Variants in MCF2L2 observed in about 807,000 individuals in gnomAD.
The protein encoded by MCF2L2 is probable guanine nucleotide exchange factor MCF2L2.
MCF2L2 carries 102 observed loss-of-function variants against 150.2 expected under a neutral mutation model. That is an observed-to-expected ratio of 0.68 (90% CI 0.58 to 0.80). MCF2L2 has a LOEUF of 0.80. Among genes scored for constraint, MCF2L2 ranks in the 30% least tolerant of loss-of-function variants. MCF2L2 has a pLI of 0.00. For missense variants in MCF2L2, 1,256 were observed against 1,372.8 expected (o/e 0.91, Z 1.34); for synonymous variants, 465 against 491.3 (o/e 0.95, Z 0.71).
chr3:183,411,968 C>T (rs927306649), intron 1 of MCF2L2, among the ~76,000 whole-genome samples: 1 of 152,080 alleles, frequency 6.6e-6, no homozygotes, highest in African/African-American at 2.4e-5. Context: ...AAGCTGTGTA[C>T]GTGAATTACG....
At chr3:183,425,500 A>C (rs1240543484) in intron 1 of MCF2L2, among the ~76,000 whole-genome samples, 1 of 152,188 alleles carries the variant, frequency 6.6e-6, no homozygotes, top group Non-Finnish European at 1.5e-5. Flanking sequence ...TGAAAAGAAC[A>C]GGCAAGCATA....
chr3:183,365,417 A>AATTTGGCCC (rs1455719519), intron 3 of MCF2L2, among the ~76,000 whole-genome samples: 3 of 152,230 alleles, frequency 2.0e-5, no homozygotes, highest in Non-Finnish European at 4.4e-5. Flanking sequence ...AGAAGTGATT[A>AATTTGGCCC]ATTTCACTAG....
chr3:183,180,313 A>G, intron 27 of MCF2L2, 154 bp from the exon 28 acceptor site: 1 of 597,550 alleles, frequency 1.7e-6, no homozygotes, highest in Non-Finnish European at 3.0e-6. Flanking sequence ...CTGGGCTGTG[A>G]GGGGGTCTGT....
chr3:183,396,054 C>T (rs1358599015), intron 1 of MCF2L2, among the ~76,000 whole-genome samples: 1 of 151,694 alleles, frequency 6.6e-6, no homozygotes, highest in Non-Finnish European at 1.5e-5. Context: ...CTCACACCCT[C>T]CCCCCATGAA....
At chr3:183,363,068 G>C (rs1560041269) in intron 3 of MCF2L2, among the ~76,000 whole-genome samples, 1 of 146,786 alleles carries the variant, frequency 6.8e-6, no homozygotes. Context: ...TATGTCATTG[G>C]GGAATTGCAA....
chr3:183,398,478 G>C (rs142036003), intron 1 of MCF2L2, among the ~76,000 whole-genome samples: 2 of 151,662 alleles, frequency 1.3e-5, no homozygotes, highest in Non-Finnish European at 2.9e-5. Flanking sequence ...AGCAGCTGGC[G>C]CTACTCTAAC....
At chr3:183,277,078 A>C (rs1727200698) in intron 14 of MCF2L2, 121 bp from the exon 15 acceptor site, 1 of 639,526 alleles carries the variant, frequency 1.6e-6, no homozygotes, top group African/African-American at 1.9e-5. Context: ...CAAAATATCC[A>C]GTTTCTCATG....
chr3:183,233,732 T>A (rs973309455), intron 15 of MCF2L2, among the ~76,000 whole-genome samples: 1 of 152,200 alleles, frequency 6.6e-6, no homozygotes, highest in Admixed American at 6.5e-5. Flanking sequence ...TCTTACTCTA[T>A]ACCCTTCTAC....
intron 5 of MCF2L2, among the ~76,000 whole-genome samples, chr3:183,337,241 G>T (rs1730519263): frequency 6.6e-6 from 1 of 152,008 alleles, no homozygotes; most frequent in African/African-American, 2.4e-5. Context: ...TTCTGGTTGG[G>T]TCATAGGTTA....
chr3:183,319,315 T>C (rs893353392), intron 6 of MCF2L2, among the ~76,000 whole-genome samples: 2 of 152,240 alleles, frequency 1.3e-5, no homozygotes, highest in Non-Finnish European at 2.9e-5. Flanking sequence ...GCTCCACTTC[T>C]AGTTCTCTTG....
chr3:183,409,554 T>C (rs879629557), intron 1 of MCF2L2, among the ~76,000 whole-genome samples: 1,361 of 134,218 alleles, frequency 0.01, 31 homozygotes, highest in African/African-American at 0.041. Flanking sequence ...AAAATTTCTT[T>C]TTTTTTTTTT....
chr3:183,234,911 T>C (rs1723750142), intron 15 of MCF2L2, among the ~76,000 whole-genome samples: 5 of 108,046 alleles, frequency 4.6e-5, no homozygotes, highest in South Asian at 7.2e-4. Context: ...TGTGATCTCA[T>C]TGTTCAATTC....
chr3:183,402,939 A>G (rs1163659245), intron 1 of MCF2L2, among the ~76,000 whole-genome samples: 2 of 149,658 alleles, frequency 1.3e-5, no homozygotes, highest in Admixed American at 6.7e-5. Flanking sequence ...TAAAAAAAAA[A>G]CACTTGATGA....
intron 25 of MCF2L2, among the ~76,000 whole-genome samples, chr3:183,205,440 G>A (rs1722438143): frequency 6.6e-6 from 1 of 152,090 alleles, no homozygotes; most frequent in South Asian, 2.1e-4. Flanking sequence ...ACTGGGGATG[G>A]TTATTGAGCC....
intron 1 of MCF2L2, among the ~76,000 whole-genome samples, chr3:183,390,235 T>C (rs919527000): frequency 1.3e-5 from 2 of 152,176 alleles, no homozygotes; most frequent in African/African-American, 4.8e-5. Flanking sequence ...AATTTTTATT[T>C]TCCTCCCTAC....
chr3:183,253,955 G>A (rs1270389549), intron 15 of MCF2L2: 2 of 152,118 alleles, frequency 1.3e-5, no homozygotes, highest in Non-Finnish European at 2.9e-5. Flanking sequence ...CGCTCGGCGG[G>A]ATACGTCTCC....
At chr3:183,351,136 T>C (rs763762861) in intron 3 of MCF2L2, among the ~76,000 whole-genome samples, 4 of 145,756 alleles carry the variant, frequency 2.7e-5, no homozygotes, top group Admixed American at 2.1e-4. Context: ...AAATATGTTC[T>C]GATCCCAAAA....
rs1254030214 is a variant in MCF2L2 at position 183,179,419 on chromosome 3, C to T, written c.3306G>A (p.Ala1102=). 6.4e-7 allele frequency: 1 copy of T among 1,569,448 alleles called. No individual in the cohort carries two copies. Among genetic ancestry groups the T allele is most frequent in the South Asian group, 1.2e-5 (1 of 86,740 alleles). The change falls in exon 30 of 30, where the codon GCG becomes GCA. Residue 1102 remains alanine (A), a synonymous_variant. Transcript: ENST00000328913. This position sits in a 1 kb window ranked among gnomAD's most constrained non-coding sequence, Gnocchi z 4.2. ...APAGATAGFQ[A]RALRPRTSAQ... Reference sequence around the variant, plus strand: ...CGGAGGTCCTCGGGCGCAGCGCCCTCGCCTGGAAACCAGCCGTCGCCCCCG... The same window carrying T: ...CGGAGGTCCTCGGGCGCAGCGCCCTTGCCTGGAAACCAGCCGTCGCCCCCG...
At position 183,311,911 on chromosome 3, in the gene MCF2L2, T is replaced by C; in HGVS notation, c.754-139A>G. The C allele has an allele frequency of 7.1e-6, 5 of 701,260 alleles. No homozygotes were observed. In the South Asian group the frequency reaches 1.0e-4, roughly 15 times the overall value. 43.4% of individuals were successfully genotyped at this position (701,260 alleles called of 1,614,324 possible). The stretch of plus-strand genomic sequence containing the variant: ...TGATGAAGTCAAGATGCAGCTTTAA[T>C]CAATTAACTTATCCTTGACAGGTAA... On this transcript the variant is annotated intron_variant, in intron 7 of 29. Coordinates refer to ENST00000328913, the MANE Select transcript of MCF2L2 (RefSeq NM_015078.4).
Sources: gnomAD v4.1 joint callset for allele counts (sites outside exome capture counted in the v4.1 genomes callset) on GRCh38, gnomAD v4.1.1 for gene constraint, Gnocchi (gnomAD v3.1) non-coding constraint, MANE v1.5 for transcripts, NCBI Gene and HGNC (gene_info 2026-07-23, HGNC 2026-07-21) for gene names.